DENND6A: variants seen among roughly 807,000 people sequenced by gnomAD.
DENND6A encodes protein DENND6A.
In DENND6A, 43 loss-of-function variants were observed where a neutral mutation model predicts 95.5. That is an observed-to-expected ratio of 0.45 (90% CI 0.35 to 0.58). DENND6A has a LOEUF of 0.58. DENND6A is among the 20% of genes least tolerant of loss of function. The probability of loss-of-function intolerance (pLI) is 0.00; values close to 1 mark genes in which losing one functional copy is unlikely to be tolerated. For synonymous variants in DENND6A, 257 were observed against 260.4 expected (o/e 0.99, Z 0.13); for missense variants, 574 against 736.0 (o/e 0.78, Z 2.55).
intron 1 of DENND6A, among the ~76,000 whole-genome samples, chr3:57,677,418 CCTTT>C (rs1487334637): frequency 1.9e-5 from 2 of 103,766 alleles, no homozygotes; most frequent in Non-Finnish European, 4.0e-5. Context: ...ACTTTGTTGT[CCTTT>C]TTTTTTTTTT....
In DENND6A at chr3:57,678,233, A is replaced by G. The variant is rs2077126407; in HGVS notation, c.238-5795T>C. 2.0e-5 allele frequency among the ~76,000 whole-genome samples: 3 copies of G among 152,210 alleles called. No homozygotes were observed. The South Asian group carries it at 6.2e-4, about 32-fold the overall frequency. On this transcript the variant is annotated intron_variant, in intron 1 of 19. Transcript: ENST00000311128. ...ATAGAATATAGATGTTTAAATTTCA[A>G]CAAAGATATCTCTACAGCTTATCAG...
chr3:57,629,241 G>T (rs931731348), intron 18 of DENND6A, among the ~76,000 whole-genome samples: 1 of 152,132 alleles, frequency 6.6e-6, no homozygotes, highest in African/African-American at 2.4e-5. Flanking sequence ...CAAATCAAGA[G>T]AACTGAACAT....
At chr3:57,636,716 C>G (rs1379450391) in intron 12 of DENND6A, among the ~76,000 whole-genome samples, 1 of 152,080 alleles carries the variant, frequency 6.6e-6, no homozygotes, top group Non-Finnish European at 1.5e-5. Flanking sequence ...GCGGGTGGAT[C>G]ACCTGAGGTC....
Position 57,646,439 on chromosome 3 carries a change from C to G in DENND6A, c.819-1G>C. On this transcript the variant is annotated splice_acceptor_variant, in intron 9 of 19. Coordinates refer to ENST00000311128, the MANE Select transcript of DENND6A (RefSeq NM_152678.3). LOFTEE classifies it high-confidence loss of function. ...ATGAAGGAAAACTGGGCAGAAACACCTGAAAGGTGATGCACAGTAGAAATA... is the reference window on the plus strand; with the variant it reads ...ATGAAGGAAAACTGGGCAGAAACACGTGAAAGGTGATGCACAGTAGAAATA... 1 of 1,611,478 alleles carries G rather than the reference C, an allele frequency of 6.2e-7. No individual in the cohort carries two copies. The highest frequency in any genetic ancestry group is 8.5e-7 in the Non-Finnish European group (1 of 1,179,206).
Position 57,634,779 on chromosome 3 carries a change from G to T in DENND6A, c.1133-10C>A. 6.5e-7 allele frequency: 1 copy of T among 1,540,448 alleles called. No homozygotes were observed. Among genetic ancestry groups the T allele is most frequent in the Non-Finnish European group, 8.7e-7 (1 of 1,145,788 alleles). ...TGCTTAGGAATTTCACCTGAAGGAAGCAGCATAAAGATTTTTATAATTATT... is the reference window on the plus strand; with the variant it reads ...TGCTTAGGAATTTCACCTGAAGGAATCAGCATAAAGATTTTTATAATTATT... On this transcript the variant is annotated splice_polypyrimidine_tract_variant and intron_variant, in intron 12 of 19. Transcript: ENST00000311128.
chr3:57,677,157 C>T (rs1312219781), intron 1 of DENND6A, among the ~76,000 whole-genome samples: 1 of 152,114 alleles, frequency 6.6e-6, no homozygotes, highest in African/African-American at 2.4e-5. Context: ...TCAACTTTCC[C>T]AACACTATTT....
At chr3:57,670,019 C>CA (rs780880587) in intron 3 of DENND6A, among the ~76,000 whole-genome samples, 13,789 of 56,986 alleles carry the variant, frequency 0.24, 993 homozygotes, top group South Asian at 0.32. Context: ...AACTCCATCT[C>CA]AAAAAAAAAA....
chr3:57,676,375 T>TAAAAAA (rs35465829), intron 1 of DENND6A, among the ~76,000 whole-genome samples: 3 of 87,360 alleles, frequency 3.4e-5, no homozygotes, highest in East Asian at 3.6e-4. Flanking sequence ...TAAGATTATT[T>TAAAAAA]AAAAAAAAAA....
chr3:57,655,597 T>A (rs1034053646), intron 9 of DENND6A, among the ~76,000 whole-genome samples: 2 of 152,140 alleles, frequency 1.3e-5, no homozygotes, highest in East Asian at 3.8e-4. Flanking sequence ...CAATCAAAAT[T>A]TAGTTGCATG....
intron 19 of DENND6A, 33 bp downstream of exon 19, chr3:57,628,778 T>A: frequency 6.3e-7 from 1 of 1,595,212 alleles, no homozygotes; most frequent in South Asian, 1.1e-5. Context: ...CAAAGAAAAG[T>A]CAATTTAATC....
At chr3:57,690,659 G>T (rs1290196529) in intron 1 of DENND6A, among the ~76,000 whole-genome samples, 1 of 151,148 alleles carries the variant, frequency 6.6e-6, no homozygotes, top group Non-Finnish European at 1.5e-5. Flanking sequence ...ACTCCAGCCT[G>T]GCTGACAAAG....
intron 1 of DENND6A, among the ~76,000 whole-genome samples, chr3:57,678,990 G>A (rs1345105948): frequency 6.6e-6 from 1 of 152,252 alleles, no homozygotes; most frequent in Non-Finnish European, 1.5e-5. Context: ...TGTAATCACA[G>A]CTACTCAGGA....
chr3:57,650,338 T>C (rs2071177161), intron 9 of DENND6A, among the ~76,000 whole-genome samples: 1 of 151,072 alleles, frequency 6.6e-6, no homozygotes, highest in African/African-American at 2.4e-5. Context: ...AGATGCAGCA[T>C]TGATTACTAA....
intron 12 of DENND6A, among the ~76,000 whole-genome samples, chr3:57,639,926 T>C (rs1348774245): frequency 6.6e-6 from 1 of 152,108 alleles, no homozygotes; most frequent in Non-Finnish European, 1.5e-5. Context: ...AATCAGATGA[T>C]TAAGTCATGT....
At chr3:57,692,096 C>T (rs2077271640) in intron 1 of DENND6A, among the ~76,000 whole-genome samples, 1 of 151,642 alleles carries the variant, frequency 6.6e-6, no homozygotes, top group Non-Finnish European at 1.5e-5. Flanking sequence ...CGGGCATGGT[C>T]GCATGCCTGT....
intron 1 of DENND6A, chr3:57,679,577 C>T: frequency 1.0e-6 from 1 of 985,262 alleles, no homozygotes; most frequent in South Asian, 4.7e-5. Flanking sequence ...AGTACTGGTA[C>T]CAAAACCATG....
intron 7 of DENND6A, among the ~76,000 whole-genome samples, chr3:57,660,051 G>C (rs920866194): frequency 1.3e-5 from 2 of 152,162 alleles, no homozygotes; most frequent in Admixed American, 1.3e-4. Flanking sequence ...CTGAAGTTGT[G>C]TGACTAATGG....
chr3:57,642,313 CA>C (rs10681174), intron 11 of DENND6A, among the ~76,000 whole-genome samples: 14,770 of 67,298 alleles, frequency 0.22, 538 homozygotes, highest in East Asian at 0.4. Flanking sequence ...GACTCTGTCT[CA>C]AAAAAAAAAA....
At chr3:57,678,085 G>A (rs562192880) in intron 1 of DENND6A, among the ~76,000 whole-genome samples, 1 of 152,028 alleles carries the variant, frequency 6.6e-6, no homozygotes, top group South Asian at 2.1e-4. Flanking sequence ...CATTCCTAAA[G>A]GAAATGATTC....
Sources: allele counts gnomAD v4.1 joint callset (sites outside exome capture counted in the v4.1 genomes callset), GRCh38; gene constraint gnomAD v4.1.1; transcripts MANE v1.5; gene names NCBI Gene and HGNC (gene_info 2026-07-23, HGNC 2026-07-21).